Variants in HEMK2 observed in about 807,000 individuals in gnomAD.
HEMK2 encodes methyltransferase HEMK2.
At chr21:28,695,713 C>T in the HEMK2 span, among the ~76,000 whole-genome samples, 1 of 151,452 alleles carries the variant, frequency 6.6e-6, no homozygotes, top group Non-Finnish European at 1.5e-5. Flanking sequence ...ATTCTGCCCC[C>T]GCCCCCTCCC....
chr21:28,825,963 T>A, the HEMK2 span, among the ~76,000 whole-genome samples: 4 of 152,232 alleles, frequency 2.6e-5, no homozygotes, highest in African/African-American at 9.6e-5. Context: ...AGGAGCCAGC[T>A]GGAAAACGAG....
the HEMK2 span, among the ~76,000 whole-genome samples, chr21:28,657,199 T>C: frequency 6.6e-6 from 1 of 152,044 alleles, no homozygotes; most frequent in Non-Finnish European, 1.5e-5. Flanking sequence ...ATGACCAATT[T>C]CTTGATCCTG....
At chr21:28,711,315 C>T in the HEMK2 span, among the ~76,000 whole-genome samples, 1 of 152,038 alleles carries the variant, frequency 6.6e-6, no homozygotes, top group African/African-American at 2.4e-5. Context: ...TTGCAGACAC[C>T]ATTAGTGCCT....
chr21:28,630,546 T>C, the HEMK2 span, among the ~76,000 whole-genome samples: 2 of 151,752 alleles, frequency 1.3e-5, no homozygotes, highest in African/African-American at 4.8e-5. Flanking sequence ...CCAACAACGA[T>C]AGACTGGATT....
the HEMK2 span, among the ~76,000 whole-genome samples, chr21:28,867,321 G>T: frequency 6.6e-6 from 1 of 152,144 alleles, no homozygotes; most frequent in African/African-American, 2.4e-5. Flanking sequence ...ACATGGAGAA[G>T]TTGCACAAAA....
At chr21:28,763,442 G>C in the HEMK2 span, among the ~76,000 whole-genome samples, 14,070 of 151,956 alleles carry the variant, frequency 0.093, 1,546 homozygotes, top group African/African-American at 0.26. Context: ...GCTCTTGCGT[G>C]AACTCACTCA....
At chr21:28,652,326 A>G in the HEMK2 span, among the ~76,000 whole-genome samples, 5 of 152,160 alleles carry the variant, frequency 3.3e-5, no homozygotes, top group African/African-American at 1.2e-4. Context: ...CCAGGAAACC[A>G]ACACCAGGAT....
the HEMK2 span, among the ~76,000 whole-genome samples, chr21:28,576,779 C>A: frequency 6.6e-6 from 1 of 152,080 alleles, no homozygotes. Flanking sequence ...GGTGCAATCT[C>A]GGTTCACTGC....
At chr21:28,700,231 G>C in the HEMK2 span, among the ~76,000 whole-genome samples, 1 of 151,986 alleles carries the variant, frequency 6.6e-6, no homozygotes, top group Non-Finnish European at 1.5e-5. Context: ...CTCTAACTTT[G>C]TTCTCTCAAT....
chr21:28,626,181 T>C, the HEMK2 span, among the ~76,000 whole-genome samples: 7 of 151,880 alleles, frequency 4.6e-5, no homozygotes, highest in Non-Finnish European at 8.8e-5. Context: ...ATGTAAAAGA[T>C]GGCACAAAGG....
the HEMK2 span, among the ~76,000 whole-genome samples, chr21:28,773,968 A>G: frequency 1.3e-5 from 2 of 152,166 alleles, no homozygotes; most frequent in African/African-American, 4.8e-5. Flanking sequence ...ATAAGCCACA[A>G]TGTAAGAATA....
the HEMK2 span, among the ~76,000 whole-genome samples, chr21:28,808,055 T>C: frequency 6.6e-6 from 1 of 151,978 alleles, no homozygotes; most frequent in Non-Finnish European, 1.5e-5. Flanking sequence ...CCCCAAAACC[T>C]TGAAACAAGA....
At chr21:28,675,593 A>G in the HEMK2 span, among the ~76,000 whole-genome samples, 7 of 152,300 alleles carry the variant, frequency 4.6e-5, no homozygotes, top group South Asian at 2.1e-4. Flanking sequence ...TAGAAACTAT[A>G]AGGATTGATG....
chr21:28,871,727 G>A, the HEMK2 span, among the ~76,000 whole-genome samples: 1 of 152,142 alleles, frequency 6.6e-6, no homozygotes, highest in African/African-American at 2.4e-5. Context: ...TTGAGGCTAG[G>A]TGTCTGAAAT....
the HEMK2 span, among the ~76,000 whole-genome samples, chr21:28,754,419 A>G: frequency 6.6e-6 from 1 of 152,224 alleles, no homozygotes; most frequent in Non-Finnish European, 1.5e-5. Context: ...TCAGCAGCAC[A>G]TACCAAAGGC....
At chr21:28,591,941 C>T in the HEMK2 span, among the ~76,000 whole-genome samples, 1 of 152,258 alleles carries the variant, frequency 6.6e-6, no homozygotes, top group Non-Finnish European at 1.5e-5. Flanking sequence ...TTTCTTTATC[C>T]AGTCTACTAT....
chr21:28,641,232 G>A, the HEMK2 span, among the ~76,000 whole-genome samples: 2 of 152,142 alleles, frequency 1.3e-5, no homozygotes, highest in Admixed American at 6.6e-5. Flanking sequence ...AACTCCAGGG[G>A]AAAGTACAGT....
At chr21:28,767,919 C>A in the HEMK2 span, among the ~76,000 whole-genome samples, 1 of 152,022 alleles carries the variant, frequency 6.6e-6, no homozygotes, top group Non-Finnish European at 1.5e-5. Flanking sequence ...ACCCCACAGT[C>A]CCTTTAGCTT....
the HEMK2 span, among the ~76,000 whole-genome samples, chr21:28,605,212 G>A: frequency 6.6e-6 from 1 of 152,238 alleles, no homozygotes; most frequent in Non-Finnish European, 1.5e-5. Flanking sequence ...GTATTAGAAT[G>A]CTGGTTGTTT....
Sources: gnomAD v4.1 joint callset for allele counts (sites outside exome capture counted in the v4.1 genomes callset) on GRCh38, gnomAD v4.1.1 for gene constraint, MANE v1.5 for transcripts, NCBI Gene and HGNC (gene_info 2026-07-23, HGNC 2026-07-21) for gene names.